The following SCHIP1 variants were observed in gnomAD, a reference collection of about 807,000 sequenced individuals.
SCHIP1 encodes schwannomin-interacting protein 1.
SCHIP1 carries 8 observed loss-of-function variants against 29.7 expected under a neutral mutation model. The observed-to-expected ratio is 0.27, with a 90% CI of 0.16 to 0.49. SCHIP1 has a LOEUF of 0.49. Among genes scored for constraint, SCHIP1 ranks in the 20% least tolerant of loss-of-function variants. The pLI, the probability that SCHIP1 is intolerant of heterozygous loss-of-function variation, is 0.99. For synonymous variants in SCHIP1, 76 were observed against 94.9 expected (o/e 0.80, Z 1.16); for missense variants, 193 against 294.6 (o/e 0.66, Z 2.52).
chr3:159,878,089 C>G (rs1716026522), intron 2 of SCHIP1, among the ~76,000 whole-genome samples: 1 of 152,226 alleles, frequency 6.6e-6, no homozygotes, highest in African/African-American at 2.4e-5. Context: ...ACACAGCCAT[C>G]CTCTTCCAGC....
At chr3:159,407,918 C>T in the SCHIP1 span, among the ~76,000 whole-genome samples, 21,047 of 152,040 alleles carry the variant, frequency 0.14, 1,698 homozygotes, top group African/African-American at 0.2. Context: ...TGAGTGCCTA[C>T]ATCAAAGAAG....
chr3:159,856,204 C>T (rs1713344103), intron 1 of SCHIP1, among the ~76,000 whole-genome samples: 1 of 152,140 alleles, frequency 6.6e-6, no homozygotes, highest in Admixed American at 6.5e-5. Flanking sequence ...ATCCATTCCA[C>T]CATCATTTTT....
At chr3:159,679,849 C>T in the SCHIP1 span, among the ~76,000 whole-genome samples, 1 of 152,240 alleles carries the variant, frequency 6.6e-6, no homozygotes, top group South Asian at 2.1e-4. Context: ...TGTTCTCTCT[C>T]TACTCATCTG....
chr3:159,395,949 G>C, the SCHIP1 span, among the ~76,000 whole-genome samples: 2 of 152,098 alleles, frequency 1.3e-5, no homozygotes, highest in Non-Finnish European at 2.9e-5. Context: ...TAACGTGTGG[G>C]AGTCCAAGTC....
At chr3:159,589,273 G>A in the SCHIP1 span, among the ~76,000 whole-genome samples, 1 of 152,154 alleles carries the variant, frequency 6.6e-6, no homozygotes, top group Non-Finnish European at 1.5e-5. Context: ...GTCTGTTATT[G>A]GTGGATAAGA....
the SCHIP1 span, chr3:159,274,798 G>A: frequency 1.4e-6 from 1 of 707,662 alleles, no homozygotes; most frequent in Non-Finnish European, 1.7e-6. Flanking sequence ...AACTTAGTTT[G>A]GAACATTTAT....
chr3:159,550,061 AT>A, the SCHIP1 span, among the ~76,000 whole-genome samples: 1 of 151,244 alleles, frequency 6.6e-6, no homozygotes, highest in African/African-American at 2.4e-5. Context: ...TTTTTCTCTT[AT>A]CTTAAGATAT....
At chr3:159,790,835 A>G in the SCHIP1 span, among the ~76,000 whole-genome samples, 2 of 152,020 alleles carry the variant, frequency 1.3e-5, no homozygotes, top group African/African-American at 2.4e-5. Context: ...TGCCTTTATC[A>G]TTGCTATTTT....
chr3:159,553,969 TG>T, the SCHIP1 span, among the ~76,000 whole-genome samples: 1 of 3,688 alleles, frequency 2.7e-4, no homozygotes, highest in Admixed American at 3.5e-3. Context: ...CCCAGCTACG[TG>T]TGTGTGTGTG....
At chr3:159,539,015 A>ACCCT in the SCHIP1 span, among the ~76,000 whole-genome samples, 2 of 152,008 alleles carry the variant, frequency 1.3e-5, no homozygotes, top group African/African-American at 4.8e-5. Context: ...AAGTGGATGT[A>ACCCT]CCCTCCCTCC....
the SCHIP1 span, among the ~76,000 whole-genome samples, chr3:159,552,441 T>C: frequency 1.3e-5 from 2 of 152,162 alleles, no homozygotes; most frequent in African/African-American, 2.4e-5. Flanking sequence ...TGGAAATGAA[T>C]GAATCGACAA....
chr3:159,338,725 A>C, the SCHIP1 span, among the ~76,000 whole-genome samples: 1 of 152,136 alleles, frequency 6.6e-6, no homozygotes, highest in Non-Finnish European at 1.5e-5. Context: ...GAATCCAGCC[A>C]AGCTGAAGGA....
At chr3:159,886,737 C>A (rs1190577964) in intron 3 of SCHIP1, 1 of 169,688 alleles carries the variant, frequency 5.9e-6, no homozygotes, top group African/African-American at 2.4e-5. Flanking sequence ...GCCGGGGCAA[C>A]ATAGTGAGAC....
chr3:159,779,205 AG>A, the SCHIP1 span, among the ~76,000 whole-genome samples: 1 of 152,232 alleles, frequency 6.6e-6, no homozygotes, highest in Non-Finnish European at 1.5e-5. Context: ...TTAAGTCATG[AG>A]GAACAGATTA....
the SCHIP1 span, among the ~76,000 whole-genome samples, chr3:159,820,951 A>T: frequency 7.0e-3 from 1,073 of 152,350 alleles, 7 homozygotes; most frequent in African/African-American, 0.025. Context: ...GCCACTAGAC[A>T]CATGTGGCTG....
In SCHIP1 at chr3:159,881,880, T is replaced by A. The variant is rs917723399; in HGVS notation, c.150-4327T>A. ...ATTCAGTCATCTCCGGTCAGCGAGG[T>A]GGCTGGGCTCTCACACGTGTCTAGG... On this transcript the variant is annotated intron_variant, in intron 2 of 6. Coordinates refer to ENST00000445224, the Ensembl canonical transcript of SCHIP1. Among the ~76,000 whole-genome samples, 8 of 152,182 alleles carry A rather than the reference T, an allele frequency of 5.3e-5. No homozygotes were observed. The East Asian group carries it at 1.5e-3, about 29-fold the overall frequency.
chr3:159,799,691 A>G, the SCHIP1 span, among the ~76,000 whole-genome samples: 16 of 152,330 alleles, frequency 1.1e-4, no homozygotes, highest in South Asian at 3.1e-3. Flanking sequence ...GGAGCTTGCC[A>G]TACAGTCTGG....
chr3:159,482,795 C>A, the SCHIP1 span, among the ~76,000 whole-genome samples: 2 of 152,098 alleles, frequency 1.3e-5, no homozygotes, highest in Non-Finnish European at 2.9e-5. Context: ...CCAACTACCA[C>A]CTCGGGATAA....
At chr3:159,761,131 G>A in the SCHIP1 span, among the ~76,000 whole-genome samples, 59 of 152,330 alleles carry the variant, frequency 3.9e-4, no homozygotes, top group African/African-American at 1.2e-3. Context: ...ACCTGGGTGG[G>A]TAGGGGAGTA....
Sources: gnomAD v4.1 joint callset for allele counts (sites outside exome capture counted in the v4.1 genomes callset) on GRCh38, gnomAD v4.1.1 for gene constraint, MANE v1.5 for transcripts, NCBI Gene and HGNC (gene_info 2026-07-23, HGNC 2026-07-21) for gene names.